Variants in MOS observed in about 807,000 individuals in gnomAD.
MOS encodes proto-oncogene serine/threonine-protein kinase mos.
For missense variants in MOS, 419 were observed against 459.6 expected (o/e 0.91, Z 0.81); for synonymous variants, 190 against 205.2 (o/e 0.93, Z 0.63).
chr8:56,113,684 C>T lies in MOS; in HGVS notation c.299G>A (p.Arg100Gln), dbSNP rs1048011369. The T allele has an allele frequency of 3.1e-6, 5 of 1,614,032 alleles. No individual in the cohort carries two copies. Among genetic ancestry groups the T allele is most frequent in the Non-Finnish European group, 4.2e-6 (5 of 1,179,996 alleles). The stretch of plus-strand genomic sequence containing the variant: ...GTTGAGCTCAGCCCAGAAACTCCGC[C>T]GAGATGCTAGTCGGTTCTTGGTGCA... ...NKCTKNRLAS[R>Q]RSFWAELNVA... Residue 100 changes from arginine to glutamine, a missense_variant, in exon 1 of 1, where the codon CGG becomes CAG. Physicochemically the swap from Arg to Gln is conservative, Grantham distance 43. Transcript: ENST00000311923. The surrounding 1 kb of genome is among the most constrained non-coding windows in gnomAD (Gnocchi z 5.7).
Position 56,113,251 on chromosome 8 carries a change from G to T in MOS, c.732C>A (p.Thr244=), listed in dbSNP as rs56148175. ...CTTTCAGGAGCTCCGGGGCGCGGTG[G>T]GTGTATGTGCCTCCTAGAGGGTAAG... ...TPSYPLGGTY[T]HRAPELLKGE... is the part of the protein sequence containing the mutation. Residue 244 remains threonine (T), a synonymous_variant, in exon 1 of 1, where the codon ACC becomes ACA. Transcript: ENST00000311923. This position sits in a 1 kb window ranked among gnomAD's most constrained non-coding sequence, Gnocchi z 5.7. The T allele has an allele frequency of 1.8e-4, 286 of 1,613,822 alleles. No individual in the cohort carries two copies. Among genetic ancestry groups the T allele is most frequent in the Non-Finnish European group, 2.2e-4 (261 of 1,179,978 alleles).
In MOS at chr8:56,113,413, G is replaced by C; in HGVS notation, c.570C>G (p.Leu190=). ...KYSLDVVNGL[L]FLHSQSIVHL... ...GCACAATGCTTTGCGAGTGGAGGAA[G>C]AGCAGGCCGTTCACAACATCTAGTG... Residue 190 remains leucine, a synonymous_variant, in exon 1 of 1, where the codon CTC becomes CTG. Transcript: ENST00000311923. The surrounding 1 kb of genome is among the most constrained non-coding windows in gnomAD (Gnocchi z 5.7). 2 of 1,614,112 alleles carry C rather than the reference G, an allele frequency of 1.2e-6. No homozygotes were observed. Among genetic ancestry groups the C allele is most frequent in the Non-Finnish European group, 1.7e-6 (2 of 1,180,018 alleles).
rs780394085 is a variant in MOS at position 56,113,123 on chromosome 8, A to T, written c.860T>A (p.Leu287Gln). The change falls in exon 1 of 1, where the codon CTG (leucine) becomes CAG (glutamine). Residue 287 changes from leucine (L) to glutamine (Q), a missense_variant. Leu to Gln is a moderately radical substitution (Grantham distance 113, BLOSUM62 -2). Transcript: ENST00000311923. The surrounding 1 kb of genome is among the most constrained non-coding windows in gnomAD (Gnocchi z 5.7). Reference protein sequence around the residue: ...APYSGERQHILYAVVAYDLRP... With the variant: ...APYSGERQHIQYAVVAYDLRP... ...CAGGTCGTAGGCCACCACCGCGTACAGTATGTGCTGCCGCTCCCCCGAATA... is the reference window on the plus strand; with the variant it reads ...CAGGTCGTAGGCCACCACCGCGTACTGTATGTGCTGCCGCTCCCCCGAATA... 6.2e-7 allele frequency: 1 copy of T among 1,613,928 alleles called. No individual in the cohort carries two copies. The highest frequency in any genetic ancestry group is 1.1e-5 in the South Asian group (1 of 91,064).
At position 56,113,741 on chromosome 8, in the gene MOS, C is replaced by T; in HGVS notation, c.242G>A (p.Gly81Asp). The T allele has an allele frequency of 6.2e-7, 1 of 1,613,946 alleles. No individual in the cohort carries two copies. The highest frequency in any genetic ancestry group is 8.5e-7 in the Non-Finnish European group (1 of 1,179,972). ...CACTTGCTTTATGGCCACAGGAACA[C>T]CGCGGTAAGTCGCCTTGTACACCGA... ...FGSVYKATYR[G>D]VPVAIKQVNK... The change falls in exon 1 of 1, where the codon GGT (glycine) becomes GAT (aspartate). Residue 81 changes from glycine (G) to aspartate (D), a missense_variant. By Grantham distance (94) the Gly-to-Asp change is moderately conservative. Transcript: ENST00000311923. This position sits in a 1 kb window ranked among gnomAD's most constrained non-coding sequence, Gnocchi z 5.7.
At position 56,113,603 on chromosome 8, in the gene MOS, G is replaced by T. The variant is rs766028889; in HGVS notation, c.380C>A (p.Thr127Lys). Residue 127 changes from threonine (T) to lysine (K), a missense_variant, in exon 1 of 1, where the codon ACG (threonine) becomes AAG (lysine). Transcript: ENST00000311923. This position sits in a 1 kb window ranked among gnomAD's most constrained non-coding sequence, Gnocchi z 5.7. ...CCCTAGGCTATTGGACCCTGCGGGC[G>T]TGCGCGTGCTGGCAGCCACCACGCG... ...IVRVVAASTR[T>K]PAGSNSLGTI... 10 of 1,612,810 alleles carry T rather than the reference G, an allele frequency of 6.2e-6. No individual in the cohort carries two copies. Among genetic ancestry groups the T allele is most frequent in the Non-Finnish European group, 8.5e-6 (10 of 1,179,754 alleles).
chr8:56,113,028 G>T lies in MOS; in HGVS notation c.955C>A (p.Arg319Ser), dbSNP rs757685018. Residue 319 changes from arginine to serine, a missense_variant, in exon 1 of 1, where the codon CGC becomes AGC. By Grantham distance (110) the Arg-to-Ser change is moderately radical (BLOSUM62 -1). Coordinates refer to ENST00000311923, the MANE Select transcript of MOS (RefSeq NM_005372.1). The surrounding 1 kb of genome is among the most constrained non-coding windows in gnomAD (Gnocchi z 5.7). ...TGCGCCGCGCTGGGTCTCCAGCAGC[G>T]CTGGATGACGTCCCCAAGGCGCTGC... ...PGQRLGDVIQ[R>S]CWRPSAAQRP... The T allele has an allele frequency of 3.8e-6, 6 of 1,592,160 alleles. No homozygotes were observed. The Admixed American group carries it at 1.1e-4, about 29-fold the overall frequency.
Position 56,113,027 on chromosome 8 carries a change from C to A in MOS, c.956G>T (p.Arg319Leu). The A allele has an allele frequency of 6.3e-7, 1 of 1,591,698 alleles. No homozygotes were observed. Among genetic ancestry groups the A allele is most frequent in the Non-Finnish European group, 8.6e-7 (1 of 1,169,506 alleles). ...PGQRLGDVIQRCWRPSAAQRP... is the reference protein window; with the variant it reads ...PGQRLGDVIQLCWRPSAAQRP... ...CTGCGCCGCGCTGGGTCTCCAGCAG[C>A]GCTGGATGACGTCCCCAAGGCGCTG... Residue 319 changes from arginine to leucine, a missense_variant, in exon 1 of 1, where the codon CGC becomes CTC. Transcript: ENST00000311923. This position sits in a 1 kb window ranked among gnomAD's most constrained non-coding sequence, Gnocchi z 5.7.
chr8:56,113,851 C>T lies in MOS; in HGVS notation c.132G>A (p.Pro44=). 1.9e-6 allele frequency: 3 copies of T among 1,609,072 alleles called. No homozygotes were observed. Among genetic ancestry groups the T allele is most frequent in the Non-Finnish European group, 1.7e-6 (2 of 1,178,896 alleles). The part of the protein sequence containing the change: ...LLLGATLPRA[P]RLPRRLAWCS... ...ACCAGGCCAGCCGGCGCGGCAGCCG[C>T]GGGGCCCGAGGAAGAGTGGCCCCCA... Residue 44 remains proline, a synonymous_variant, in exon 1 of 1, where the codon CCG becomes CCA. Transcript: ENST00000311923. The surrounding 1 kb of genome is among the most constrained non-coding windows in gnomAD (Gnocchi z 5.7).
chr8:56,113,321 C>A lies in MOS; in HGVS notation c.662G>T (p.Gly221Val), dbSNP rs1395573498. Reference protein sequence around the residue: ...EQDVCKISDFGCSEKLEDLLC... With the variant: ...EQDVCKISDFVCSEKLEDLLC... Reference sequence around the variant, plus strand: ...CAGATCTTCCAACTTCTCAGAGCAACCGAAGTCACTAATTTTACAGACATC... The same window carrying A: ...CAGATCTTCCAACTTCTCAGAGCAAACGAAGTCACTAATTTTACAGACATC... The change falls in exon 1 of 1, where the codon GGT (glycine) becomes GTT (valine). Residue 221 changes from glycine to valine, a missense_variant. Physicochemically the swap from Gly to Val is moderately radical, Grantham distance 109. Coordinates refer to ENST00000311923, the MANE Select transcript of MOS (RefSeq NM_005372.1). This position sits in a 1 kb window ranked among gnomAD's most constrained non-coding sequence, Gnocchi z 5.7. 6.2e-7 allele frequency: 1 copy of A among 1,613,910 alleles called. No individual in the cohort carries two copies. Among genetic ancestry groups the A allele is most frequent in the African/African-American group, 1.3e-5 (1 of 74,938 alleles).
Position 56,112,976 on chromosome 8 carries a change from A to G in MOS, c.1007T>C (p.Val336Ala). Residue 336 changes from valine to alanine, a missense_variant, in exon 1 of 1, where the codon GTG (valine) becomes GCG (alanine). By Grantham distance (64) the Val-to-Ala change is moderately conservative (BLOSUM62 0). Transcript: ENST00000311923. ...AQRPSARLLL[V>A]DLTSLKAELG ...TTCAGCTTTCAAAGAGGTGAGATCC[A>G]CCAAAAGCAGCCGCGCGCTCGGCCT... The G allele has an allele frequency of 6.4e-7, 1 of 1,573,470 alleles. No homozygotes were observed.
rs368702573 is a variant in MOS, at chr8:56,113,230, C to G, written c.753G>C (p.Leu251=). The stretch of plus-strand genomic sequence containing the variant: ...CTTTAGGCGTCACGCCCTCTCCTTT[C>G]AGGAGCTCCGGGGCGCGGTGGGTGT... The part of the protein sequence containing the change: ...GTYTHRAPEL[L]KGEGVTPKAD... The change falls in exon 1 of 1, where the codon CTG becomes CTC. Residue 251 remains leucine, a synonymous_variant. Coordinates refer to ENST00000311923, the MANE Select transcript of MOS (RefSeq NM_005372.1). The surrounding 1 kb of genome is among the most constrained non-coding windows in gnomAD (Gnocchi z 5.7). 3 of 1,613,826 alleles carry G rather than the reference C, an allele frequency of 1.9e-6. No homozygotes were observed. In the African/African-American group the frequency reaches 4.0e-5, roughly 22 times the overall value.
At position 56,113,906 on chromosome 8, in the gene MOS, C is replaced by T; in HGVS notation, c.77G>A (p.Ser26Asn). ...CAGCTTCGCAGGTAGCTCTGAGGGA[C>T]TGCTGCAGGGCCGCGCGTCCACCGA... ...SPSVDARPCS[S>N]PSELPAKLLL... is the part of the protein sequence containing the mutation. Residue 26 changes from serine to asparagine, a missense_variant, in exon 1 of 1, where the codon AGT (serine) becomes AAT (asparagine). Physicochemically the swap from Ser to Asn is conservative, Grantham distance 46 (BLOSUM62 1). Coordinates refer to ENST00000311923, the MANE Select transcript of MOS (RefSeq NM_005372.1). This position sits in a 1 kb window ranked among gnomAD's most constrained non-coding sequence, Gnocchi z 5.7. 1 of 1,591,914 alleles carries T rather than the reference C, an allele frequency of 6.3e-7. No individual in the cohort carries two copies. The highest frequency in any genetic ancestry group is 8.5e-7 in the Non-Finnish European group (1 of 1,174,588).
chr8:56,112,989 GCGCGCTCGGCCTCTGCGC>G lies in MOS; in HGVS notation c.976_993del (p.Ala326_Ala331del), dbSNP rs754334657. 1.3e-6 allele frequency: 2 copies of G among 1,575,202 alleles called. No individual in the cohort carries two copies. The highest frequency in any genetic ancestry group is 4.5e-5 in the East Asian group (2 of 44,356). On this transcript the variant is annotated inframe_deletion, in exon 1 of 1. Transcript: ENST00000311923. ...GAGGTGAGATCCACCAAAAGCAGCC[GCGCGCTCGGCCTCTGCGC>G]CGCGCTGGGTCTCCAGCAGCGCTGG...
At position 56,113,020 on chromosome 8, in the gene MOS, C is replaced by T. The variant is rs754306244; in HGVS notation, c.963G>A (p.Trp321Ter). 1.3e-5 allele frequency: 20 copies of T among 1,588,636 alleles called. No individual in the cohort carries two copies. The highest frequency in any genetic ancestry group is 1.5e-5 in the Non-Finnish European group (18 of 1,168,382). ...TCGGCCTCTGCGCCGCGCTGGGTCTCCAGCAGCGCTGGATGACGTCCCCAA... is the reference window on the plus strand; with the variant it reads ...TCGGCCTCTGCGCCGCGCTGGGTCTTCAGCAGCGCTGGATGACGTCCCCAA... ...QRLGDVIQRC[W>*]RPSAAQRPSA... Residue 321 changes from tryptophan (W) to a stop codon, truncating the protein, a stop_gained, in exon 1 of 1, where the codon TGG (tryptophan) becomes TGA (stop). Coordinates refer to ENST00000311923, the MANE Select transcript of MOS (RefSeq NM_005372.1). LOFTEE classifies it low-confidence loss of function (END_TRUNC). The surrounding 1 kb of genome is among the most constrained non-coding windows in gnomAD (Gnocchi z 5.7).
rs761515530 is a variant in MOS, at chr8:56,113,496, C to A, written c.487G>T (p.Gly163Trp). ...CCTCCAGTGCGGCAGTGAGGCTCCC[C>A]TGCGTCCCCCTCAGGGTGGCCGGCG... The part of the protein sequence containing the change: ...GAAGHPEGDA[G>W]EPHCRTGGQL... The change falls in exon 1 of 1, where the codon GGG (glycine) becomes TGG (tryptophan). Residue 163 changes from glycine (G) to tryptophan (W), a missense_variant. By Grantham distance (184) the Gly-to-Trp change is radical. Coordinates refer to ENST00000311923, the MANE Select transcript of MOS (RefSeq NM_005372.1). This position sits in a 1 kb window ranked among gnomAD's most constrained non-coding sequence, Gnocchi z 5.7. 1.2e-6 allele frequency: 2 copies of A among 1,614,086 alleles called. No individual in the cohort carries two copies. Among genetic ancestry groups the A allele is most frequent in the Admixed American group, 3.3e-5 (2 of 60,024 alleles).
In MOS at chr8:56,113,070, C is replaced by T. The variant is rs1174348312; in HGVS notation, c.913G>A (p.Glu305Lys). ...LRPSLSAAVF[E>K]DSLPGQRLGD... ...AGGCGCTGCCCGGGGAGCGAGTCCT[C>T]GAAGACGGCAGCGGAGAGGGACGGG... Residue 305 changes from glutamate (E) to lysine (K), a missense_variant, in exon 1 of 1, where the codon GAG (glutamate) becomes AAG (lysine). Transcript: ENST00000311923. The surrounding 1 kb of genome is among the most constrained non-coding windows in gnomAD (Gnocchi z 5.7). 4.4e-6 allele frequency: 7 copies of T among 1,603,642 alleles called. No homozygotes were observed. In the African/African-American group the frequency reaches 6.7e-5, roughly 15 times the overall value.
Position 56,113,805 on chromosome 8 carries a change from C to A in MOS, c.178G>T (p.Val60Leu), listed in dbSNP as rs767289078. The change falls in exon 1 of 1, where the codon GTG (valine) becomes TTG (leucine). Residue 60 changes from valine (V) to leucine (L), a missense_variant. Physicochemically the swap from Val to Leu is conservative, Grantham distance 32 (BLOSUM62 1). Coordinates refer to ENST00000311923, the MANE Select transcript of MOS (RefSeq NM_005372.1). This position sits in a 1 kb window ranked among gnomAD's most constrained non-coding sequence, Gnocchi z 5.7. ...GCTCCCAGCCTCTGCAGCAAGCACA[C>A]CTGCTCCCAGTCAATGGAGCACCAG... The part of the protein sequence containing the change: ...LAWCSIDWEQ[V>L]CLLQRLGAGG... The A allele has an allele frequency of 1.2e-6, 2 of 1,613,456 alleles. No homozygotes were observed. Among genetic ancestry groups the A allele is most frequent in the South Asian group, 2.2e-5 (2 of 90,998 alleles).
At position 56,113,005 on chromosome 8, in the gene MOS, C is replaced by A. The variant is rs1810517006; in HGVS notation, c.978G>T (p.Ala326=). The part of the protein sequence containing the change: ...VIQRCWRPSA[A]QRPSARLLLV... ...AAAGCAGCCGCGCGCTCGGCCTCTG[C>A]GCCGCGCTGGGTCTCCAGCAGCGCT... The change falls in exon 1 of 1, where the codon GCG becomes GCT. Residue 326 remains alanine, a synonymous_variant. Transcript: ENST00000311923. The surrounding 1 kb of genome is among the most constrained non-coding windows in gnomAD (Gnocchi z 5.7). 19 of 1,581,720 alleles carry A rather than the reference C, an allele frequency of 1.2e-5. No individual in the cohort carries two copies. Among genetic ancestry groups the A allele is most frequent in the Non-Finnish European group, 1.6e-5 (19 of 1,165,202 alleles).
Position 56,113,189 on chromosome 8 carries a change from A to G in MOS, c.794T>C (p.Phe265Ser), listed in dbSNP as rs1209560440. 8 of 1,614,044 alleles carry G rather than the reference A, an allele frequency of 5.0e-6. No individual in the cohort carries two copies. The South Asian group carries it at 7.7e-5, about 16-fold the overall frequency. The change falls in exon 1 of 1, where the codon TTT (phenylalanine) becomes TCT (serine). Residue 265 changes from phenylalanine (F) to serine (S), a missense_variant. Transcript: ENST00000311923. The surrounding 1 kb of genome is among the most constrained non-coding windows in gnomAD (Gnocchi z 5.7). ...AGTCATTTGCCAGAGAGTGATGGCA[A>G]AGGAATAAATGTCGGCTTTAGGCGT... ...GVTPKADIYSFAITLWQMTTK... is the reference protein window; with the variant it reads ...GVTPKADIYSSAITLWQMTTK...
Sources: allele counts gnomAD v4.1 joint callset, GRCh38; gene constraint gnomAD v4.1.1; non-coding constraint Gnocchi (gnomAD v3.1); transcripts MANE v1.5; gene names NCBI Gene and HGNC (gene_info 2026-07-23, HGNC 2026-07-21).